CPED1: variants seen among roughly 807,000 people sequenced by gnomAD.
CPED1 encodes the protein cadherin like and PC-esterase domain containing 1, also known as cadherin-like and PC-esterase domain-containing protein 1.
A neutral mutation model predicts 128.2 loss-of-function variants in CPED1; 114 were observed. The ratio of observed to expected loss-of-function variants is 0.89; its 90% confidence interval spans 0.76 to 1.04. CPED1 has a LOEUF of 1.04. Among genes scored for constraint, CPED1 ranks in the 50% least tolerant of loss-of-function variants. The pLI, the probability that CPED1 is intolerant of heterozygous loss-of-function variation, is 0.00. For synonymous variants in CPED1, 462 were observed against 426.7 expected, an observed-to-expected ratio of 1.08 and a Z score of -1.02; for missense variants, 1,211 against 1,207.1, an observed-to-expected ratio of 1.00 and a Z score of -0.05.
chr7:121,254,980 A>G (rs1474939556), intron 18 of CPED1, among the ~76,000 whole-genome samples: 1 of 151,956 alleles, frequency 6.6e-6, no homozygotes, highest in Admixed American at 6.6e-5. Flanking sequence ...TACCAGATGT[A>G]CAAAAAAGAA....
intron 16 of CPED1, among the ~76,000 whole-genome samples, chr7:121,235,815 A>C (rs1360279480): frequency 6.6e-6 from 1 of 152,170 alleles, no homozygotes; most frequent in African/African-American, 2.4e-5. Flanking sequence ...CATGAACAAA[A>C]GTAGGGAGAC....
chr7:121,128,754 G>A (rs1276053438), intron 11 of CPED1, among the ~76,000 whole-genome samples: 1 of 152,018 alleles, frequency 6.6e-6, no homozygotes, highest in East Asian at 1.9e-4. Flanking sequence ...AGTTTTCAAG[G>A]GGAAAATGCC....
chr7:121,109,405 T>C (rs996130766), intron 7 of CPED1, among the ~76,000 whole-genome samples: 78 of 152,154 alleles, frequency 5.1e-4, no homozygotes, highest in Admixed American at 1.6e-3. Context: ...TCCTAGCCTG[T>C]AAAAGCAGTT....
intron 22 of CPED1, among the ~76,000 whole-genome samples, chr7:121,285,055 C>T (rs922153049): frequency 2.0e-5 from 3 of 152,342 alleles, no homozygotes; most frequent in Non-Finnish European, 4.4e-5. Context: ...CATACATCCT[C>T]TGAAATCTAG....
chr7:121,098,812 ATAAT>A (rs1794768158), intron 6 of CPED1, among the ~76,000 whole-genome samples: 1 of 142,098 alleles, frequency 7.0e-6, no homozygotes, highest in South Asian at 2.1e-4. Context: ...AAATATATAA[ATAAT>A]ATATATATAA....
chr7:121,141,915 T>G, intron 15 of CPED1, 58 bp from the exon 16 acceptor site: 1 of 1,388,990 alleles, frequency 7.2e-7, no homozygotes, highest in Admixed American at 1.7e-5. Flanking sequence ...TGAATCAGTT[T>G]GGGCTGAATA....
At chr7:121,124,226 A>G (rs1184436647) in intron 7 of CPED1, 105 bp from the exon 8 acceptor site, 2 of 1,007,724 alleles carry the variant, frequency 2.0e-6, no homozygotes, top group African/African-American at 3.3e-5. Context: ...TTTGGGTGTG[A>G]CAAGTAGAGA....
intron 16 of CPED1, among the ~76,000 whole-genome samples, chr7:121,209,021 T>C (rs1797584848): frequency 1.3e-5 from 2 of 152,072 alleles, no homozygotes; most frequent in South Asian, 4.1e-4. Context: ...ATTCAAGATC[T>C]TATTCATTCC....
intron 22 of CPED1, among the ~76,000 whole-genome samples, chr7:121,283,484 C>A (rs1345220234): frequency 6.6e-6 from 1 of 152,200 alleles, no homozygotes; most frequent in Non-Finnish European, 1.5e-5. Flanking sequence ...GCAATGCATT[C>A]CAGCTCCTGT....
intron 16 of CPED1, among the ~76,000 whole-genome samples, chr7:121,190,643 T>C (rs1294152501): frequency 6.6e-6 from 1 of 152,076 alleles, no homozygotes; most frequent in East Asian, 1.9e-4. Flanking sequence ...AGAGGCAATG[T>C]TTTCCTAGAC....
intron 7 of CPED1, among the ~76,000 whole-genome samples, chr7:121,119,355 C>T (rs1795330222): frequency 1.3e-5 from 2 of 150,348 alleles, no homozygotes; most frequent in South Asian, 2.1e-4. Context: ...TTAGTAGAAA[C>T]GGGGTTTCAC....
chr7:121,282,521 A>T (rs551378264), intron 22 of CPED1, among the ~76,000 whole-genome samples: 1 of 152,356 alleles, frequency 6.6e-6, no homozygotes, highest in African/African-American at 2.4e-5. Flanking sequence ...TCCAAGCCTT[A>T]AAAATGTAGC....
At chr7:121,215,756 T>A (rs1469208518) in intron 16 of CPED1, among the ~76,000 whole-genome samples, 4 of 152,142 alleles carry the variant, frequency 2.6e-5, no homozygotes, top group African/African-American at 9.6e-5. Context: ...AACACAAAAT[T>A]AAGATTCAAG....
intron 16 of CPED1, among the ~76,000 whole-genome samples, chr7:121,203,725 T>C (rs1797455422): frequency 6.6e-6 from 1 of 152,124 alleles, no homozygotes; most frequent in Admixed American, 6.6e-5. Context: ...AAGTGTATAA[T>C]AGCAGGAGGA....
chr7:121,192,378 T>C (rs1797160429), intron 16 of CPED1, among the ~76,000 whole-genome samples: 1 of 152,154 alleles, frequency 6.6e-6, no homozygotes, highest in South Asian at 2.1e-4. Flanking sequence ...GGTAAATATT[T>C]ACTGCAGATA....
intron 16 of CPED1, among the ~76,000 whole-genome samples, chr7:121,185,763 C>A (rs184883388): frequency 2.5e-4 from 38 of 152,314 alleles, no homozygotes; most frequent in Non-Finnish European, 5.0e-4. Flanking sequence ...ATTGCTACTG[C>A]AGATATGAGT....
In CPED1 at chr7:121,133,858, C is replaced by G. The variant is rs755317519; in HGVS notation, c.1613C>G (p.Pro538Arg). 1.3e-6 allele frequency: 2 copies of G among 1,598,046 alleles called. No homozygotes were observed. Among genetic ancestry groups the G allele is most frequent in the Non-Finnish European group, 1.7e-6 (2 of 1,169,634 alleles). ...ACAGAAGATAAGAACATTGAAAAAC[C>G]ACAAGTGCCATTTGATGCAATAGAA... is the stretch of plus-strand genomic sequence containing the variant. Reference protein sequence around the residue: ...SFTEDKNIEKPQVPFDAIENK... With the variant: ...SFTEDKNIEKRQVPFDAIENK... The change falls in exon 13 of 23, where the codon CCA (proline) becomes CGA (arginine). Residue 538 changes from proline to arginine, a missense_variant. By Grantham distance (103) the Pro-to-Arg change is moderately radical. Transcript: ENST00000310396.
At chr7:121,087,679 T>TTTTTTTTTTTTTTG (rs1794465347) in intron 5 of CPED1, among the ~76,000 whole-genome samples, 1 of 150,092 alleles carries the variant, frequency 6.7e-6, no homozygotes, top group African/African-American at 2.5e-5. Context: ...TTTTTTTTTT[T>TTTTTTTTTTTTTTG]TGGCAGAGTC....
chr7:121,270,970 G>A (rs1406918227), intron 21 of CPED1, among the ~76,000 whole-genome samples: 1 of 152,012 alleles, frequency 6.6e-6, no homozygotes, highest in Non-Finnish European at 1.5e-5. Context: ...CGGCAGTAAT[G>A]TTAATTTTTA....
Sources: gnomAD v4.1 joint callset for allele counts (sites outside exome capture counted in the v4.1 genomes callset) on GRCh38, gnomAD v4.1.1 for gene constraint, MANE v1.5 for transcripts, NCBI Gene and HGNC (gene_info 2026-07-23, HGNC 2026-07-21) for gene names.